The following FYB1 variants were observed in gnomAD, a reference collection of about 807,000 sequenced individuals.
FYB1 encodes the protein FYN-binding protein 1.
FYB1 carries 41 observed loss-of-function variants against 94.1 expected under a neutral mutation model. The observed-to-expected ratio is 0.44, with a 90% CI of 0.34 to 0.57. The LOEUF is 0.57. FYB1 is among the 20% of genes least tolerant of loss of function. The pLI is 0.02. For synonymous variants in FYB1, 367 were observed against 353.2 expected, an observed-to-expected ratio of 1.04 and a Z score of -0.44; for missense variants, 1,050 against 976.8, an observed-to-expected ratio of 1.07 and a Z score of -1.00.
At chr5:39,222,027 GTAAAATAAAATAAAA>G (rs953731424), upstream of FYB1, among the ~76,000 whole-genome samples, 1 of 149,306 alleles carries the variant, frequency 6.7e-6, no homozygotes. Context: ...ATAAAATAAA[GTAAAATAAAATAAAA>G]TAAAATAAAA....
At chr5:39,235,573 G>GT (rs72403365) in intron 1 of FYB1, among the ~76,000 whole-genome samples, 2,279 of 139,762 alleles carry the variant, frequency 0.016, 45 homozygotes, top group East Asian at 0.069. Context: ...ATCTTTACTT[G>GT]TTTTTTTTTT....
chr5:39,271,081 A>T (rs1349760772), intron 1 of FYB1, among the ~76,000 whole-genome samples: 2 of 152,028 alleles, frequency 1.3e-5, no homozygotes, highest in African/African-American at 4.8e-5. Flanking sequence ...TCTTGGGTAT[A>T]TAGCACTTGT....
intron 1 of FYB1, among the ~76,000 whole-genome samples, chr5:39,248,477 T>C (rs1402345466): frequency 6.6e-6 from 1 of 152,068 alleles, no homozygotes; most frequent in Non-Finnish European, 1.5e-5. Context: ...GGTCAGAAAT[T>C]ATGACATATG....
rs115773586 is a variant in FYB1, at chr5:39,170,213, T to G, written c.1136-16609A>C. On this transcript the variant is annotated intron_variant, in intron 2 of 18. Transcript: ENST00000512982. ...CTGTGAAGTTCAGTATAGTCAGTAT[T>G]TTTGCTATATATGATGTTGCTGGTG... is the stretch of plus-strand genomic sequence containing the variant. The G allele has an allele frequency of 3.1e-3, 2,652 of 859,092 alleles. 53 individuals carry two copies. The African/African-American group carries it at 0.039, about 13-fold the overall frequency. 53.2% of individuals were successfully genotyped at this position (859,092 alleles called of 1,614,324 possible).
chr5:39,204,853 C>T (rs1279576395), intron 1 of FYB1, among the ~76,000 whole-genome samples: 1 of 152,184 alleles, frequency 6.6e-6, no homozygotes, highest in Non-Finnish European at 1.5e-5. Flanking sequence ...AATTTTGTAA[C>T]TTTAATTTAC....
At chr5:39,160,845 G>A (rs1744182674) in intron 2 of FYB1, among the ~76,000 whole-genome samples, 1 of 152,218 alleles carries the variant, frequency 6.6e-6, no homozygotes, top group Non-Finnish European at 1.5e-5. Flanking sequence ...GATAGGACAT[G>A]TTTATTTCCA....
chr5:39,127,968 G>T (rs1163493444), intron 10 of FYB1, among the ~76,000 whole-genome samples, 161 bp from the exon 11 acceptor site: 1 of 152,106 alleles, frequency 6.6e-6, no homozygotes, highest in East Asian at 1.9e-4. Flanking sequence ...ATTTTATAAA[G>T]AATTCTTAGG....
upstream of FYB1, among the ~76,000 whole-genome samples, chr5:39,221,215 G>T (rs529747262): frequency 3.4e-4 from 52 of 152,236 alleles, no homozygotes; most frequent in Non-Finnish European, 5.9e-4. Flanking sequence ...TCCCCTCCCA[G>T]CTGGCTGGGA....
intron 2 of FYB1, among the ~76,000 whole-genome samples, chr5:39,199,735 T>C (rs1017064273): frequency 7.2e-5 from 11 of 152,100 alleles, no homozygotes; most frequent in Non-Finnish European, 1.6e-4. Context: ...GAAGAGTGGT[T>C]TCTATGGGGT....
chr5:39,155,730 T>C (rs960227287), intron 2 of FYB1, among the ~76,000 whole-genome samples: 1 of 152,148 alleles, frequency 6.6e-6, no homozygotes, highest in Non-Finnish European at 1.5e-5. Flanking sequence ...AAATTATTAG[T>C]AATTTATTTT....
intron 1 of FYB1, among the ~76,000 whole-genome samples, chr5:39,215,001 G>T (rs1254740292): frequency 6.6e-6 from 1 of 152,172 alleles, no homozygotes; most frequent in Non-Finnish European, 1.5e-5. Context: ...GCAGAAAGTA[G>T]AATGGTGGTT....
intron 6 of FYB1, chr5:39,138,384 A>G (rs1233679151): frequency 1.3e-5 from 4 of 306,176 alleles, no homozygotes; most frequent in African/African-American, 8.8e-5. Context: ...AGAGTAAGAA[A>G]TCAGATTTCT....
intron 1 of FYB1, among the ~76,000 whole-genome samples, chr5:39,244,790 G>A (rs1751393166): frequency 6.6e-6 from 1 of 152,048 alleles, no homozygotes; most frequent in Admixed American, 6.6e-5. Context: ...TTGGTTGGTA[G>A]GCTATTAATT....
At chr5:39,125,091 A>G (rs1370334573) in intron 12 of FYB1, among the ~76,000 whole-genome samples, 1 of 151,848 alleles carries the variant, frequency 6.6e-6, no homozygotes, top group East Asian at 1.9e-4. Flanking sequence ...GAAAAAAAAA[A>G]CCCTCTCATT....
chr5:39,138,691 C>G lies in FYB1; in HGVS notation c.1360G>C (p.Glu454Gln). ...TATGTTTCTCCTTCACTGTCTTGTT[C>G]CTGTAAAGAAAAACATTGATAATGA... is the stretch of plus-strand genomic sequence containing the variant. ...HSDGAGNLDE[E>Q]QDSEGETYED... The change falls in exon 6 of 19, where the codon GAA (glutamate) becomes CAA (glutamine). Residue 454 changes from glutamate to glutamine, a missense_variant and splice_region_variant. Physicochemically the swap from Glu to Gln is conservative, Grantham distance 29 (BLOSUM62 2). Coordinates refer to ENST00000512982, the MANE Select transcript of FYB1 (RefSeq NM_001465.6). The G allele has an allele frequency of 6.7e-7, 1 of 1,501,526 alleles. No individual in the cohort carries two copies. Among genetic ancestry groups the G allele is most frequent in the South Asian group, 1.2e-5 (1 of 85,388 alleles). 93.0% of individuals were successfully genotyped at this position (1,501,526 alleles called of 1,614,324 possible).
intron 2 of FYB1, among the ~76,000 whole-genome samples, chr5:39,162,599 C>G (rs1008461920): frequency 6.6e-6 from 1 of 151,986 alleles, no homozygotes; most frequent in African/African-American, 2.4e-5. Flanking sequence ...GCAGGAGAAT[C>G]GCTTGAACCA....
chr5:39,183,809 A>T (rs867584610), intron 2 of FYB1, among the ~76,000 whole-genome samples: 1 of 152,126 alleles, frequency 6.6e-6, no homozygotes, highest in African/African-American at 2.4e-5. Flanking sequence ...AAAAATGGAG[A>T]TACGTAGGCC....
intron 16 of FYB1, among the ~76,000 whole-genome samples, chr5:39,113,795 G>T (rs10055583): frequency 0.034 from 5,189 of 152,036 alleles, 305 homozygotes; most frequent in African/African-American, 0.12. Context: ...ATATTGCATA[G>T]ATTTACCTAG....
intron 1 of FYB1, among the ~76,000 whole-genome samples, chr5:39,268,112 T>G (rs1323741123): frequency 6.6e-6 from 1 of 152,228 alleles, no homozygotes; most frequent in Non-Finnish European, 1.5e-5. Context: ...AAATTACATT[T>G]ATAAAATATG....
Sources: allele counts gnomAD v4.1 joint callset (sites outside exome capture counted in the v4.1 genomes callset), GRCh38; gene constraint gnomAD v4.1.1; transcripts MANE v1.5; gene names NCBI Gene and HGNC (gene_info 2026-07-23, HGNC 2026-07-21).